Variants in CACNA2D3 observed in about 807,000 individuals in gnomAD.
The protein encoded by CACNA2D3 is calcium voltage-gated channel auxiliary subunit alpha2delta 3, also known as voltage-dependent calcium channel subunit alpha-2/delta-3.
CACNA2D3 carries 60 observed loss-of-function variants against 160.6 expected under a neutral mutation model. The ratio of observed to expected loss-of-function variants is 0.37; its 90% confidence interval spans 0.30 to 0.46. The LOEUF is 0.46. CACNA2D3 is among the 20% of genes least tolerant of loss of function. CACNA2D3 has a pLI of 1.00. For synonymous variants in CACNA2D3, 558 were observed against 492.9 expected (o/e 1.13, Z -1.75); for missense variants, 1,205 against 1,365.0 (o/e 0.88, Z 1.85).
intron 4 of CACNA2D3, among the ~76,000 whole-genome samples, chr3:54,469,638 A>G (rs895131098): frequency 1.3e-5 from 2 of 152,126 alleles, no homozygotes; most frequent in African/African-American, 2.4e-5. Flanking sequence ...CCTCTGAGCT[A>G]AAGGAGCATG....
chr3:55,039,094 C>G (rs187784846), intron 35 of CACNA2D3, among the ~76,000 whole-genome samples: 55 of 151,920 alleles, frequency 3.6e-4, no homozygotes, highest in African/African-American at 1.3e-3. Flanking sequence ...CACATGTTGG[C>G]TACCCTGAAA....
At chr3:54,672,534 C>T (rs1358823842) in intron 11 of CACNA2D3, among the ~76,000 whole-genome samples, 2 of 152,154 alleles carry the variant, frequency 1.3e-5, no homozygotes, top group African/African-American at 4.8e-5. Flanking sequence ...GGGTTGTTTC[C>T]AGAATGAAAA....
chr3:54,522,030 G>A (rs553287821), intron 5 of CACNA2D3, among the ~76,000 whole-genome samples: 2 of 152,224 alleles, frequency 1.3e-5, no homozygotes, highest in Non-Finnish European at 1.5e-5. Context: ...CAGGTCCCTT[G>A]CAATTCTACA....
chr3:54,743,658 C>T (rs1011056380), intron 11 of CACNA2D3, among the ~76,000 whole-genome samples: 1 of 152,146 alleles, frequency 6.6e-6, no homozygotes, highest in African/African-American at 2.4e-5. Flanking sequence ...AATTTGATGG[C>T]CTTACACATG....
chr3:54,486,340 G>C lies in CACNA2D3; in HGVS notation c.382-17152G>C, dbSNP rs948083849. On this transcript the variant is annotated intron_variant, in intron 4 of 37. Coordinates refer to ENST00000474759, the MANE Select transcript of CACNA2D3 (RefSeq NM_018398.3). ...AGAAATGTCTTAACTAAAATGAGTA[G>C]ATGTTGTTGATGCTTTTTCTCCTGG... 2.6e-5 allele frequency among the ~76,000 whole-genome samples: 4 copies of C among 152,226 alleles called. No individual in the cohort carries two copies. The East Asian group carries it at 5.8e-4, about 22-fold the overall frequency.
intron 11 of CACNA2D3, among the ~76,000 whole-genome samples, chr3:54,663,603 A>G (rs1171883197): frequency 6.6e-6 from 1 of 152,238 alleles, no homozygotes; most frequent in Non-Finnish European, 1.5e-5. Flanking sequence ...AAAGGCGATG[A>G]AGACAACTAA....
At chr3:54,939,227 T>A (rs1229507987) in intron 27 of CACNA2D3, among the ~76,000 whole-genome samples, 4 of 152,208 alleles carry the variant, frequency 2.6e-5, no homozygotes, top group Non-Finnish European at 5.9e-5. Flanking sequence ...ATGATCATGT[T>A]ATTTCTCCAC....
At chr3:54,160,944 A>G (rs1300034384) in intron 2 of CACNA2D3, among the ~76,000 whole-genome samples, 3 of 152,228 alleles carry the variant, frequency 2.0e-5, no homozygotes, top group Admixed American at 1.3e-4. Context: ...AAAGAAAAAC[A>G]TGAGCAAAGG....
intron 4 of CACNA2D3, 141 bp downstream of exon 4, chr3:54,386,915 C>T: frequency 1.3e-6 from 1 of 749,970 alleles, no homozygotes; most frequent in Non-Finnish European, 2.1e-6. Context: ...GAATCTTTGA[C>T]AGGATTCTTA....
intron 27 of CACNA2D3, among the ~76,000 whole-genome samples, chr3:54,922,174 C>G (rs76918430): frequency 6.6e-6 from 1 of 152,280 alleles, no homozygotes; most frequent in East Asian, 1.9e-4. Flanking sequence ...TAGGAACTCC[C>G]TGACTTAAAA....
At chr3:54,814,302 C>G (rs1703401194) in intron 13 of CACNA2D3, among the ~76,000 whole-genome samples, 1 of 152,248 alleles carries the variant, frequency 6.6e-6, no homozygotes, top group Non-Finnish European at 1.5e-5. Flanking sequence ...AAGACCTGGC[C>G]TTTCCCCAGC....
chr3:54,576,836 C>G (rs890654835), intron 8 of CACNA2D3, among the ~76,000 whole-genome samples: 1 of 152,034 alleles, frequency 6.6e-6, no homozygotes, highest in African/African-American at 2.4e-5. Context: ...GAGTTCGAGA[C>G]CAGCCTGGGC....
chr3:54,126,590 G>A (rs1699597460), intron 2 of CACNA2D3, among the ~76,000 whole-genome samples: 1 of 152,134 alleles, frequency 6.6e-6, no homozygotes, highest in Non-Finnish European at 1.5e-5. Flanking sequence ...TTAGAAATAG[G>A]ATAGTTTTGA....
chr3:54,123,354 G>A, intron 1 of CACNA2D3, 159 bp from the exon 2 acceptor site: 1 of 625,776 alleles, frequency 1.6e-6, no homozygotes, highest in Non-Finnish European at 2.8e-6. Flanking sequence ...TTTGGTGCTG[G>A]CAGTTTCTAC....
At chr3:55,052,087 G>A (rs1356002658) in intron 35 of CACNA2D3, among the ~76,000 whole-genome samples, 3 of 152,126 alleles carry the variant, frequency 2.0e-5, no homozygotes, top group South Asian at 2.1e-4. Context: ...TCTGGGAGCT[G>A]TAGACTGGAG....
intron 4 of CACNA2D3, among the ~76,000 whole-genome samples, chr3:54,428,691 CAAATT>C (rs1468403539): frequency 2.0e-5 from 3 of 151,520 alleles, no homozygotes; most frequent in Admixed American, 6.6e-5. Flanking sequence ...TAGCAAAAAA[CAAATT>C]AAAGAGGGTA....
In CACNA2D3 at chr3:54,764,502, G is replaced by T. The variant is rs901185725; in HGVS notation, c.1380+151G>T. 1.2e-5 allele frequency: 11 copies of T among 897,144 alleles called. No homozygotes were observed. In the Admixed American group the frequency reaches 3.2e-4, roughly 26 times the overall value. The allele number at this position is 897,144 out of a possible 1,614,324, so 55.6% of individuals were successfully genotyped here. ...TGTATAGTGTTGGTCACCTTGACAA[G>T]CAAAGTTGGTGAAAAATCATAACGT... On this transcript the variant is annotated intron_variant, in intron 13 of 37. Coordinates refer to ENST00000474759, the MANE Select transcript of CACNA2D3 (RefSeq NM_018398.3).
chr3:54,317,435 A>AG (rs1287721816), intron 2 of CACNA2D3, among the ~76,000 whole-genome samples: 1 of 152,242 alleles, frequency 6.6e-6, no homozygotes, highest in Non-Finnish European at 1.5e-5. Context: ...TCCAAGGTCA[A>AG]GGGGCCCGAA....
At chr3:54,930,638 C>A (rs74425189) in intron 27 of CACNA2D3, among the ~76,000 whole-genome samples, 4,819 of 152,328 alleles carry the variant, frequency 0.032, 216 homozygotes, top group African/African-American at 0.11. Flanking sequence ...AGCACACTTT[C>A]ATGCTGCTTA....
Sources: allele counts gnomAD v4.1 joint callset (sites outside exome capture counted in the v4.1 genomes callset), GRCh38; gene constraint gnomAD v4.1.1; transcripts MANE v1.5; gene names NCBI Gene and HGNC (gene_info 2026-07-23, HGNC 2026-07-21).